ADARB1: variants seen among roughly 807,000 people sequenced by gnomAD.
The protein encoded by ADARB1 is adenosine deaminase RNA specific B1.
ADARB1 carries 10 observed loss-of-function variants against 52.4 expected under a neutral mutation model. The ratio of observed to expected loss-of-function variants is 0.19; its 90% CI spans 0.12 to 0.32. The LOEUF is 0.32. Among genes scored for constraint, ADARB1 ranks in the 10% least tolerant of loss-of-function variants. The probability of loss-of-function intolerance (pLI) is 1.00; values close to 1 mark genes in which losing one functional copy is unlikely to be tolerated. For synonymous variants in ADARB1, 349 were observed against 371.1 expected (o/e 0.94, Z 0.68); for missense variants, 643 against 922.3 (o/e 0.70, Z 3.92).
Position 45,176,176 on chromosome 21 carries a change from C to T in ADARB1, c.475C>T (p.Leu159=). The stretch of plus-strand genomic sequence containing the variant: ...GGCCCACCTGGCCATGGGGAGGACC[C>T]TGTCTGTCAACACGGACTTCACATC... ...SEAHLAMGRT[L]SVNTDFTSDQ... is the part of the protein sequence containing the mutation. Residue 159 remains leucine, a synonymous_variant, in exon 4 of 11, where the codon CTG becomes TTG. Coordinates refer to ENST00000348831, the MANE Select transcript of ADARB1 (RefSeq NM_001112.4). The surrounding 1 kb of genome is among the most constrained non-coding windows in gnomAD (Gnocchi z 5.8). 6.2e-7 allele frequency: 1 copy of T among 1,614,234 alleles called. No individual in the cohort carries two copies. The highest frequency in any genetic ancestry group is 8.5e-7 in the Non-Finnish European group (1 of 1,180,046).
At chr21:45,213,225 T>G (rs976685236) in intron 9 of ADARB1, among the ~76,000 whole-genome samples, 2 of 152,354 alleles carry the variant, frequency 1.3e-5, no homozygotes, top group Admixed American at 1.3e-4. Flanking sequence ...ACTGAACATA[T>G]CTGCTTAAGA....
chr21:45,075,273 C>T (rs900794815), intron 1 of ADARB1, among the ~76,000 whole-genome samples: 2 of 150,988 alleles, frequency 1.3e-5, no homozygotes, highest in African/African-American at 2.4e-5. Flanking sequence ...CAAGGCTGCG[C>T]CTGGGGACGG....
Position 45,224,340 on chromosome 21 carries a change from C to T in ADARB1, c.*2143C>T, listed in dbSNP as rs2093018441. ...CCACCCCAAATAAGTGAGTGCCTCA[C>T]CTTGTGGGGCCTGAGCAGCTACCTT... On this transcript the variant is annotated 3_prime_UTR_variant, in exon 11 of 11. Coordinates refer to ENST00000348831, the MANE Select transcript of ADARB1 (RefSeq NM_001112.4). 3.0e-6 allele frequency: 3 copies of T among 985,482 alleles called. No homozygotes were observed. Among genetic ancestry groups the T allele is most frequent in the Middle Eastern group, 5.2e-4 (1 of 1,914 alleles). The allele number at this position is 985,482 out of a possible 1,614,324, so 61.0% of individuals were successfully genotyped here.
chr21:45,178,855 C>T (rs1418754915), intron 4 of ADARB1, among the ~76,000 whole-genome samples: 2 of 152,146 alleles, frequency 1.3e-5, no homozygotes, highest in African/African-American at 4.8e-5. Flanking sequence ...GTGCTGAGCC[C>T]TGGCCATGTG....
At chr21:45,141,090 C>T (rs769568969) in intron 2 of ADARB1, among the ~76,000 whole-genome samples, 2 of 152,006 alleles carry the variant, frequency 1.3e-5, no homozygotes, top group Non-Finnish European at 2.9e-5. Flanking sequence ...CCCAGCTACT[C>T]GAGAGGCTGA....
rs780427333 is a variant in ADARB1 at position 45,184,947 on chromosome 21, G to A, written c.1421G>A (p.Arg474His). Residue 474 changes from arginine to histidine, a missense_variant, in exon 8 of 11, where the codon CGT becomes CAT. Transcript: ENST00000348831. ...LEEPADRHPN[R>H]KARGQLRTKI... ...GAACCAGCAGATAGACACCCAAATC[G>A]TAAAGCAAGAGGACAGCTACGGACC... 23 of 1,612,996 alleles carry A rather than the reference G, an allele frequency of 1.4e-5. No individual in the cohort carries two copies. Among genetic ancestry groups the A allele is most frequent in the Non-Finnish European group, 1.8e-5 (21 of 1,179,068 alleles).
chr21:45,085,950 C>T (rs1453343507), intron 1 of ADARB1, among the ~76,000 whole-genome samples: 1 of 152,174 alleles, frequency 6.6e-6, no homozygotes, highest in Non-Finnish European at 1.5e-5. Flanking sequence ...TTATGTGTGG[C>T]ACAGGCAAGA....
chr21:45,221,373 AT>A lies in ADARB1; in HGVS notation c.1926+361del, dbSNP rs1403465480. ...TCTCAGCAACATAAAAATTGCTTGG[AT>A]TGTGATAACCCTCCAGTGGAGTTTT... On this transcript the variant is annotated intron_variant, in intron 10 of 10. Transcript: ENST00000348831. The surrounding 1 kb of genome is among the most constrained non-coding windows in gnomAD (Gnocchi z 4.9). Among the ~76,000 whole-genome samples, 1 of 152,226 alleles carries A rather than the reference AT, an allele frequency of 6.6e-6. No individual in the cohort carries two copies. Among genetic ancestry groups the A allele is most frequent in the Non-Finnish European group, 1.5e-5 (1 of 68,032 alleles).
chr21:45,096,206 G>A (rs1297749877), intron 1 of ADARB1, among the ~76,000 whole-genome samples: 2 of 152,260 alleles, frequency 1.3e-5, no homozygotes, highest in Non-Finnish European at 2.9e-5. Flanking sequence ...TAGCCCAAGA[G>A]GAGAGGAGGA....
At chr21:45,147,777 C>T (rs1287678562) in intron 2 of ADARB1, among the ~76,000 whole-genome samples, 2 of 152,232 alleles carry the variant, frequency 1.3e-5, no homozygotes, top group Non-Finnish European at 2.9e-5. Context: ...GATAGCCATG[C>T]AGGTCAGCAA....
At chr21:45,209,432 TG>T (rs2092726106) in intron 9 of ADARB1, among the ~76,000 whole-genome samples, 1 of 152,190 alleles carries the variant, frequency 6.6e-6, no homozygotes, top group Non-Finnish European at 1.5e-5. Context: ...GGTGATTTCT[TG>T]GTTGGTTGTT....
chr21:45,125,703 G>A (rs1364266603), intron 1 of ADARB1, among the ~76,000 whole-genome samples: 1 of 152,224 alleles, frequency 6.6e-6, no homozygotes, highest in Non-Finnish European at 1.5e-5. Context: ...GGTTAATTTG[G>A]GCTTTTTCTC....
At chr21:45,093,696 G>C (rs1039589637) in intron 1 of ADARB1, among the ~76,000 whole-genome samples, 25 of 152,318 alleles carry the variant, frequency 1.6e-4, no homozygotes, top group African/African-American at 5.3e-4. Flanking sequence ...GGTATGGGGA[G>C]ACTGTGCTGC....
intron 2 of ADARB1, among the ~76,000 whole-genome samples, chr21:45,155,823 C>G (rs1386767372): frequency 7.4e-6 from 1 of 134,302 alleles, no homozygotes; most frequent in Non-Finnish European, 1.6e-5. Context: ...CATTATCCAT[C>G]ATCCATCCAT....
At chr21:45,117,574 TA>T (rs111492312) in intron 1 of ADARB1, among the ~76,000 whole-genome samples, 10,656 of 143,570 alleles carry the variant, frequency 0.074, 413 homozygotes, top group East Asian at 0.15. Flanking sequence ...CTTTCACAGT[TA>T]AAAAAAAAAA....
chr21:45,208,185 A>G lies in ADARB1; in HGVS notation c.1747+3449A>G, dbSNP rs1442183991. ...TGAGTGTGAGCTCCTCAGCTGGCCC[A>G]GTTTGTTGTCCAACGCTCACTAAGA... On this transcript the variant is annotated intron_variant, in intron 9 of 10. Transcript: ENST00000348831. The surrounding 1 kb of genome is among the most constrained non-coding windows in gnomAD (Gnocchi z 5.6). Among the ~76,000 whole-genome samples, 3 of 152,302 alleles carry G rather than the reference A, an allele frequency of 2.0e-5. No homozygotes were observed. Among genetic ancestry groups the G allele is most frequent in the East Asian group, 1.9e-4 (1 of 5,172 alleles).
rs1420020162 is a variant in ADARB1 at position 45,172,308 on chromosome 21, G to A, written c.28+624G>A. On this transcript the variant is annotated intron_variant, in intron 3 of 10. Transcript: ENST00000348831. The surrounding 1 kb of genome is among the most constrained non-coding windows in gnomAD (Gnocchi z 4.4). ...AGTTCATCTTCAGTCCCAGAAAACA[G>A]GTTTAGATGCTTCCACGGAAGTTGG... Among the ~76,000 whole-genome samples the A allele has an allele frequency of 1.3e-5, 2 of 152,098 alleles. No homozygotes were observed. Among genetic ancestry groups the A allele is most frequent in the African/African-American group, 2.4e-5 (1 of 41,392 alleles).
chr21:45,134,748 T>C (rs547095103), intron 2 of ADARB1: 1 of 531,744 alleles, frequency 1.9e-6, no homozygotes, highest in Non-Finnish European at 3.9e-6. Flanking sequence ...CACACCCTCA[T>C]TCATCCAGCG....
At chr21:45,078,329 C>T (rs886244707) in intron 1 of ADARB1, among the ~76,000 whole-genome samples, 30 of 152,216 alleles carry the variant, frequency 2.0e-4, no homozygotes, top group Non-Finnish European at 4.4e-5. Context: ...TTCACCCATG[C>T]ATCCTGGCCC....
Sources: gnomAD v4.1 joint callset for allele counts (sites outside exome capture counted in the v4.1 genomes callset) on GRCh38, gnomAD v4.1.1 for gene constraint, Gnocchi (gnomAD v3.1) non-coding constraint, MANE v1.5 for transcripts, NCBI Gene and HGNC (gene_info 2026-07-23, HGNC 2026-07-21) for gene names.